NNMT: variants seen among roughly 807,000 people sequenced by gnomAD.
NNMT encodes the protein nicotinamide N-methyltransferase.
Under a neutral mutation model 11.7 loss-of-function variants are expected in NNMT, and 10 were observed. The observed-to-expected ratio is 0.85, with a 90% CI of 0.53 to 1.45. The LOEUF (loss-of-function observed/expected upper bound fraction) is 1.45. Among genes scored for constraint, NNMT ranks in the 40% most tolerant of loss-of-function variants. The pLI is 0.00. For missense variants in NNMT, 381 were observed against 319.4 expected (o/e 1.19, Z -1.47); for synonymous variants, 143 against 133.8 (o/e 1.07, Z -0.48).
chr11:114,312,597 T>C lies in NNMT; in HGVS notation c.*120T>C. ...AGTGGTTGGGGCCCAATGGTTCATC[T>C]AGGACGGGACTAGAGAGGTCAGTCT... On this transcript the variant is annotated 3_prime_UTR_variant, in exon 3 of 3. Transcript: ENST00000299964. The C allele has an allele frequency of 1.1e-6, 1 of 950,588 alleles. No homozygotes were observed. The highest frequency in any genetic ancestry group is 1.6e-6 in the Non-Finnish European group (1 of 630,030). The allele number at this position is 950,588 out of a possible 1,614,324, so 58.9% of individuals were successfully genotyped here.
At chr11:114,284,926 T>G (rs149488604) in intron 2 of NNMT, among the ~76,000 whole-genome samples, 1 of 151,894 alleles carries the variant, frequency 6.6e-6, no homozygotes, top group African/African-American at 2.4e-5. Context: ...CATACCACCA[T>G]GACGGGCTAA....
rs575137161 is a variant in NNMT at position 114,285,918 on chromosome 11, T to A, written c.-129-10510T>A. On this transcript the variant is annotated intron_variant, in intron 2 of 4. Coordinates refer to the NNMT transcript ENST00000535401. ...AGATCACTGCCTACAGAAGTCTGTGTCATCTCTGAAGCATCCTGGGGCCCT... is the reference window on the plus strand; with the variant it reads ...AGATCACTGCCTACAGAAGTCTGTGACATCTCTGAAGCATCCTGGGGCCCT... 2.8e-4 allele frequency among the ~76,000 whole-genome samples: 42 copies of A among 152,316 alleles called. 1 individual carries two copies. Among genetic ancestry groups the A allele is most frequent in the Non-Finnish European group, 5.0e-4 (34 of 68,030 alleles).
intron 2 of NNMT, among the ~76,000 whole-genome samples, chr11:114,286,221 T>C (rs1489877354): frequency 6.6e-6 from 1 of 152,232 alleles, no homozygotes; most frequent in African/African-American, 2.4e-5. Context: ...TCTAAATTTG[T>C]GCTTGTTTCG....
At chr11:114,274,035 T>C (rs1488987952) in intron 2 of NNMT, among the ~76,000 whole-genome samples, 3 of 152,174 alleles carry the variant, frequency 2.0e-5, no homozygotes, top group Non-Finnish European at 2.9e-5. Context: ...CACCCCTCAG[T>C]GCCTTCCTGC....
intron 2 of NNMT, among the ~76,000 whole-genome samples, chr11:114,286,790 A>G (rs894317673): frequency 2.6e-5 from 4 of 152,154 alleles, no homozygotes; most frequent in African/African-American, 9.7e-5. Context: ...GTGTACCTGG[A>G]CTGTAATTAC....
Position 114,268,768 on chromosome 11 carries a change from C to CAAAA in NNMT, c.-130+5854_-130+5857dup, listed in dbSNP as rs34012236. 3.4e-3 allele frequency among the ~76,000 whole-genome samples: 236 copies of CAAAA among 69,578 alleles called. 6 individuals carry two copies. The highest frequency in any genetic ancestry group is 0.011 in the African/African-American group (221 of 19,488). The allele number at this position is 69,578 out of a possible 152,430, so 45.6% of individuals were successfully genotyped here. On this transcript the variant is annotated intron_variant, in intron 2 of 4. Coordinates refer to the NNMT transcript ENST00000535401. ...TGGACGATGGAGCGAGACTCCGTCTCAAAAAAAAAAAAAAAAAAAAAAACT... is the reference window on the plus strand; with the variant it reads ...TGGACGATGGAGCGAGACTCCGTCTCAAAAAAAAAAAAAAAAAAAAAAAAAAACT...
upstream of NNMT, among the ~76,000 whole-genome samples, chr11:114,293,125 G>A (rs766841005): frequency 9.9e-5 from 15 of 152,186 alleles, no homozygotes; most frequent in Non-Finnish European, 1.5e-4. Context: ...GTCTCCTGCT[G>A]TGCTCCATTA....
intron 2 of NNMT, among the ~76,000 whole-genome samples, chr11:114,308,183 T>A (rs751393934): frequency 1.3e-5 from 2 of 152,160 alleles, no homozygotes; most frequent in African/African-American, 2.4e-5. Flanking sequence ...CTGATTCGGG[T>A]GTGGGGTGTG....
At chr11:114,272,291 G>A (rs1203268971) in intron 2 of NNMT, among the ~76,000 whole-genome samples, 1 of 152,120 alleles carries the variant, frequency 6.6e-6, no homozygotes, top group East Asian at 1.9e-4. Flanking sequence ...TCTATTTACT[G>A]TGGAAGGACT....
chr11:114,304,622 A>G (rs1945471969), intron 2 of NNMT, among the ~76,000 whole-genome samples: 1 of 152,136 alleles, frequency 6.6e-6, no homozygotes, highest in Non-Finnish European at 1.5e-5. Flanking sequence ...TTCTTGTGCT[A>G]AAGGCTGCCA....
chr11:114,286,018 A>G lies in NNMT; in HGVS notation c.-129-10410A>G, dbSNP rs151092279. ...CCAGCATTGGAAAGAAAAGCTTGGA[A>G]GGAAAGCTTCAGCTGCAGTTTCTGT... On this transcript the variant is annotated intron_variant, in intron 2 of 4. Coordinates refer to the NNMT transcript ENST00000535401. Among the ~76,000 whole-genome samples, 71 of 152,330 alleles carry G rather than the reference A, an allele frequency of 4.7e-4. No homozygotes were observed. In the South Asian group the frequency reaches 0.014, roughly 30 times the overall value.
At chr11:114,301,938 G>A (rs11214938) in intron 2 of NNMT, among the ~76,000 whole-genome samples, 13,338 of 151,914 alleles carry the variant, frequency 0.088, 796 homozygotes, top group African/African-American at 0.16. Context: ...ATTTCCCCCA[G>A]TTGAACCAGA....
At chr11:114,258,581 G>C (rs1389057537) in intron 1 of NNMT, among the ~76,000 whole-genome samples, 4 of 152,238 alleles carry the variant, frequency 2.6e-5, no homozygotes, top group Non-Finnish European at 4.4e-5. Flanking sequence ...CTTCAGCCCA[G>C]ACCCTCTGTC....
Position 114,297,955 on chromosome 11 carries a change from T to C in NNMT, c.159T>C (p.Gly53=). ...KNLFKIFCLD[G]VKGDLLIDIG... is the part of the protein sequence containing the mutation. ...TTGTTCCTCCCACTAATCCAGACGG[T>C]GTGAAGGGAGACCTGCTGATTGACA... The change falls in exon 2 of 3, where the codon GGT becomes GGC. Residue 53 remains glycine, a synonymous_variant. Transcript: ENST00000299964. The C allele has an allele frequency of 6.2e-7, 1 of 1,612,460 alleles. No homozygotes were observed. Among genetic ancestry groups the C allele is most frequent in the Non-Finnish European group, 8.5e-7 (1 of 1,179,906 alleles).
chr11:114,280,811 G>T (rs1016138739), intron 2 of NNMT, among the ~76,000 whole-genome samples: 6 of 152,132 alleles, frequency 3.9e-5, no homozygotes, highest in Non-Finnish European at 7.4e-5. Flanking sequence ...GAGCTTGGGG[G>T]CTGCAGGGCC....
chr11:114,272,130 A>G (rs1406065117), intron 2 of NNMT, among the ~76,000 whole-genome samples: 1 of 152,002 alleles, frequency 6.6e-6, no homozygotes. Flanking sequence ...GGCCCGGGGG[A>G]TCAGATGGTT....
chr11:114,293,957 A>G (rs1945352402), upstream of NNMT, among the ~76,000 whole-genome samples: 1 of 152,180 alleles, frequency 6.6e-6, no homozygotes, highest in Admixed American at 6.5e-5. Flanking sequence ...TCAGTCATAA[A>G]GAAGAATTAG....
upstream of NNMT, among the ~76,000 whole-genome samples, chr11:114,292,749 T>C (rs1002863619): frequency 6.6e-6 from 1 of 152,190 alleles, no homozygotes; most frequent in East Asian, 1.9e-4. Context: ...AAAAATCTGA[T>C]TCTGACTGTA....
At chr11:114,285,526 C>T (rs1349117477) in intron 2 of NNMT, among the ~76,000 whole-genome samples, 1 of 152,186 alleles carries the variant, frequency 6.6e-6, no homozygotes, top group African/African-American at 2.4e-5. Flanking sequence ...CCACTAAAAT[C>T]TAGAGCAGGC....
Sources: allele counts gnomAD v4.1 joint callset (sites outside exome capture counted in the v4.1 genomes callset), GRCh38; gene constraint gnomAD v4.1.1; transcripts MANE v1.5; gene names NCBI Gene and HGNC (gene_info 2026-07-23, HGNC 2026-07-21).